The following SPECC1L variants were observed in gnomAD, a reference collection of about 807,000 sequenced individuals.
SPECC1L encodes sperm antigen with calponin homology and coiled-coil domains 1 like.
A neutral mutation model predicts 116.8 loss-of-function variants in SPECC1L; 40 were observed. That is an observed-to-expected ratio of 0.34 (90% CI 0.27 to 0.45). The LOEUF (loss-of-function observed/expected upper bound fraction) is 0.45. Ranked by LOEUF, SPECC1L falls within the 20% of genes least tolerant of loss-of-function variation. The pLI is 1.00. For missense variants in SPECC1L, 1,110 were observed against 1,373.6 expected (o/e 0.81, Z 3.03); for synonymous variants, 504 against 500.6 (o/e 1.01, Z -0.09).
chr22:24,345,508 G>A (rs893238299), intron 10 of SPECC1L, among the ~76,000 whole-genome samples: 3 of 152,278 alleles, frequency 2.0e-5, no homozygotes, highest in South Asian at 4.1e-4. Context: ...CAAAAAGCAA[G>A]CTACAGACTG....
intron 2 of SPECC1L, among the ~76,000 whole-genome samples, chr22:24,287,757 A>G (rs2049069531): frequency 6.6e-6 from 1 of 152,148 alleles, no homozygotes; most frequent in African/African-American, 2.4e-5. Context: ...CCCACTTCTT[A>G]TGATGTAAAG....
At chr22:24,275,264 T>TA (rs2048815083) in intron 1 of SPECC1L, among the ~76,000 whole-genome samples, 1 of 152,236 alleles carries the variant, frequency 6.6e-6, no homozygotes, top group South Asian at 2.1e-4. Flanking sequence ...ACGGCAGTGT[T>TA]ACAGAGGAAG....
intron 16 of SPECC1L, among the ~76,000 whole-genome samples, chr22:24,412,967 A>G (rs538453047): frequency 1.3e-4 from 20 of 152,272 alleles, no homozygotes; most frequent in Admixed American, 2.6e-4. Context: ...GCCTGAGACC[A>G]TGGGCCCAGC....
intron 14 of SPECC1L, among the ~76,000 whole-genome samples, chr22:24,407,771 G>A (rs1329505107): frequency 1.3e-5 from 2 of 152,138 alleles, no homozygotes; most frequent in Non-Finnish European, 2.9e-5. Context: ...AGGGGACCTT[G>A]CATTTTCATT....
chr22:24,381,556 T>A (rs1307632837), intron 14 of SPECC1L, among the ~76,000 whole-genome samples: 1 of 152,176 alleles, frequency 6.6e-6, no homozygotes, highest in Non-Finnish European at 1.5e-5. Context: ...TGTGTTATGC[T>A]TTACTTGAAT....
chr22:24,279,202 A>G (rs1165518276), intron 2 of SPECC1L, among the ~76,000 whole-genome samples: 1 of 152,218 alleles, frequency 6.6e-6, no homozygotes, highest in Non-Finnish European at 1.5e-5. Context: ...TGTTGACGCT[A>G]TAATTTAAAA....
chr22:24,310,357 T>C (rs373456778), intron 3 of SPECC1L, among the ~76,000 whole-genome samples: 3 of 152,360 alleles, frequency 2.0e-5, no homozygotes, highest in Admixed American at 1.3e-4. Flanking sequence ...ATTGGAGGTG[T>C]ATCTTCAGGT....
At chr22:24,409,232 C>T (rs1354088371) in intron 14 of SPECC1L, among the ~76,000 whole-genome samples, 8 of 152,072 alleles carry the variant, frequency 5.3e-5, no homozygotes, top group Admixed American at 3.9e-4. Context: ...AGGAGCTGGA[C>T]GGTTTGCATT....
In SPECC1L at chr22:24,349,796, A is replaced by C. The variant is rs147260823; in HGVS notation, c.2743+2620A>C. 2.9e-3 allele frequency among the ~76,000 whole-genome samples: 434 copies of C among 152,046 alleles called. 1 individual carries two copies. The highest frequency in any genetic ancestry group is 5.0e-3 in the South Asian group (24 of 4,812). ...GAGCATTGCTCTTTTCTCTACTGTCACCTCCCTGGTATAAGCCACCATCAT... is the reference window on the plus strand; with the variant it reads ...GAGCATTGCTCTTTTCTCTACTGTCCCCTCCCTGGTATAAGCCACCATCAT... On this transcript the variant is annotated intron_variant, in intron 11 of 16. Coordinates refer to ENST00000314328, the MANE Select transcript of SPECC1L (RefSeq NM_015330.6).
intron 3 of SPECC1L, among the ~76,000 whole-genome samples, chr22:24,307,947 A>G (rs1306323782): frequency 1.3e-5 from 2 of 152,062 alleles, no homozygotes; most frequent in African/African-American, 4.8e-5. Flanking sequence ...TTTTAGACTT[A>G]CAGAAAAGCT....
At position 24,415,646 on chromosome 22, in the gene SPECC1L, C is replaced by T. The variant is rs1386259880; in HGVS notation, c.*1023C>T. The T allele has an allele frequency of 6.6e-6, 1 of 152,490 alleles. No individual in the cohort carries two copies. The highest frequency in any genetic ancestry group is 1.9e-4 in the East Asian group (1 of 5,184). The allele number at this position is 152,490 out of a possible 1,614,324, so 9.4% of individuals were successfully genotyped here. A position where few individuals can be genotyped will look rare whatever the true frequency, so the allele number is the denominator to read the frequency against. Reference sequence around the variant, plus strand: ...TCACTAAGACATAATTCTCCTAGGCCAGAGTTAAAGAAAGTGCCTTAACTC... The same window carrying T: ...TCACTAAGACATAATTCTCCTAGGCTAGAGTTAAAGAAAGTGCCTTAACTC... On this transcript the variant is annotated 3_prime_UTR_variant, in exon 17 of 17. Coordinates refer to ENST00000314328, the MANE Select transcript of SPECC1L (RefSeq NM_015330.6).
chr22:24,306,140 C>T (rs1424262115), intron 3 of SPECC1L, among the ~76,000 whole-genome samples: 1 of 152,094 alleles, frequency 6.6e-6, no homozygotes, highest in African/African-American at 2.4e-5. Flanking sequence ...CTCCCGACCT[C>T]AGGTCATCCA....
rs775505814 is a variant in SPECC1L at position 24,302,391 on chromosome 22, A to G, written c.153+7A>G. 2 of 1,614,050 alleles carry G rather than the reference A, an allele frequency of 1.2e-6. No homozygotes were observed. The highest frequency in any genetic ancestry group is 1.7e-6 in the Non-Finnish European group (2 of 1,179,996). The stretch of plus-strand genomic sequence containing the variant: ...AGCAGCATCATTGTCAAAGGTATTC[A>G]TGTGATGTTTGAATACATGATGGGT... On this transcript the variant is annotated splice_region_variant and intron_variant, in intron 3 of 16. Transcript: ENST00000314328.
intron 14 of SPECC1L, among the ~76,000 whole-genome samples, chr22:24,383,792 ATTTTTTTTTTTTTTTTTTTTTTTTT>A (rs538972717): frequency 1.4e-4 from 11 of 77,338 alleles, no homozygotes; most frequent in Non-Finnish European, 9.3e-5. Flanking sequence ...ACCCACCACT[ATTTTTTTTTTTTTTTTTTTTTTTTT>A]TTTTTTTTTT....
intron 2 of SPECC1L, among the ~76,000 whole-genome samples, chr22:24,278,894 A>G (rs1460450779): frequency 6.6e-6 from 1 of 152,220 alleles, no homozygotes; most frequent in Non-Finnish European, 1.5e-5. Context: ...CTAGGACATA[A>G]ACTGATGAGC....
chr22:24,311,038 C>G (rs7289477), intron 3 of SPECC1L, among the ~76,000 whole-genome samples: 3,796 of 152,290 alleles, frequency 0.025, 153 homozygotes, highest in South Asian at 0.12. Context: ...TTCTCCCTTG[C>G]TGCCTTGGTT....
At chr22:24,315,817 G>A (rs1329813379) in intron 4 of SPECC1L, among the ~76,000 whole-genome samples, 1 of 152,160 alleles carries the variant, frequency 6.6e-6, no homozygotes, top group Non-Finnish European at 1.5e-5. Flanking sequence ...CTGAAATGAG[G>A]GTGTTAGCAG....
intron 11 of SPECC1L, among the ~76,000 whole-genome samples, chr22:24,350,091 T>C (rs2041391996): frequency 6.6e-6 from 1 of 152,112 alleles, no homozygotes; most frequent in Admixed American, 6.5e-5. Flanking sequence ...GGCATGCTCC[T>C]GACTTAGACA....
intron 2 of SPECC1L, among the ~76,000 whole-genome samples, chr22:24,301,341 G>T (rs902946032): frequency 6.6e-6 from 1 of 152,100 alleles, no homozygotes; most frequent in Admixed American, 6.5e-5. Flanking sequence ...ACATTTACGT[G>T]GTCTTCTTTT....
Sources: gnomAD v4.1 joint callset for allele counts (sites outside exome capture counted in the v4.1 genomes callset) on GRCh38, gnomAD v4.1.1 for gene constraint, MANE v1.5 for transcripts, NCBI Gene and HGNC (gene_info 2026-07-23, HGNC 2026-07-21) for gene names.